The following TMEM163 variants were observed in gnomAD, a reference collection of about 807,000 sequenced individuals.
TMEM163 encodes the protein transmembrane protein 163.
A neutral mutation model predicts 29.3 loss-of-function variants in TMEM163; 17 were observed. The observed-to-expected ratio is 0.58, with a 90% CI of 0.40 to 0.87. TMEM163 has a LOEUF of 0.87. Ranked by LOEUF, TMEM163 falls within the 40% of genes least tolerant of loss-of-function variation. The probability of loss-of-function intolerance (pLI) is 0.00; values close to 1 mark genes in which losing one functional copy is unlikely to be tolerated. For missense variants in TMEM163, 303 were observed against 381.5 expected (o/e 0.79, Z 1.71); for synonymous variants, 157 against 160.6 (o/e 0.98, Z 0.17).
chr2:134,676,733 C>T (rs1684123709), intron 2 of TMEM163, among the ~76,000 whole-genome samples: 1 of 152,180 alleles, frequency 6.6e-6, no homozygotes, highest in Non-Finnish European at 1.5e-5. Context: ...ATACATTTAC[C>T]TATTCTGGAT....
chr2:134,576,815 GA>G (rs978677338), intron 2 of TMEM163, among the ~76,000 whole-genome samples: 25 of 152,308 alleles, frequency 1.6e-4, no homozygotes, highest in African/African-American at 5.8e-4. Context: ...TTCCCAGAAG[GA>G]AAACACTATC....
At chr2:134,497,471 G>A (rs1679596375) in intron 5 of TMEM163, among the ~76,000 whole-genome samples, 1 of 152,208 alleles carries the variant, frequency 6.6e-6, no homozygotes, top group Non-Finnish European at 1.5e-5. Flanking sequence ...AGCGCAAGGT[G>A]AAGAGGTCAT....
At chr2:134,508,911 C>G (rs535173482) in intron 4 of TMEM163, among the ~76,000 whole-genome samples, 14 of 152,196 alleles carry the variant, frequency 9.2e-5, no homozygotes, top group Non-Finnish European at 2.1e-4. Flanking sequence ...CCTACCCTCT[C>G]CATGGTAAGA....
intron 2 of TMEM163, among the ~76,000 whole-genome samples, chr2:134,668,686 C>T (rs890290288): frequency 6.6e-6 from 1 of 151,576 alleles, no homozygotes; most frequent in Non-Finnish European, 1.5e-5. Context: ...CTCCTCTCCA[C>T]CCCATAACAT....
chr2:134,562,791 A>T (rs1681210772), intron 2 of TMEM163, among the ~76,000 whole-genome samples: 1 of 152,218 alleles, frequency 6.6e-6, no homozygotes, highest in South Asian at 2.1e-4. Flanking sequence ...CCTGCTCCAT[A>T]AAACCCAAAG....
chr2:134,622,834 C>A (rs1682769839), intron 2 of TMEM163, among the ~76,000 whole-genome samples: 3 of 152,086 alleles, frequency 2.0e-5, no homozygotes, highest in Admixed American at 6.6e-5. Flanking sequence ...ACGATCTCGG[C>A]TCACTGCAAC....
chr2:134,561,557 G>C (rs1681184946), intron 2 of TMEM163, among the ~76,000 whole-genome samples: 1 of 152,150 alleles, frequency 6.6e-6, no homozygotes, highest in Admixed American at 6.5e-5. Flanking sequence ...CACCGTGTTA[G>C]CCAGGATGGT....
intron 2 of TMEM163, among the ~76,000 whole-genome samples, chr2:134,603,214 G>GAT (rs1682274443): frequency 6.6e-6 from 1 of 152,038 alleles, no homozygotes; most frequent in Non-Finnish European, 1.5e-5. Flanking sequence ...CAAGGACCTG[G>GAT]GCAGACTACA....
chr2:134,630,211 A>G (rs60148809), intron 2 of TMEM163, among the ~76,000 whole-genome samples: 6,517 of 152,176 alleles, frequency 0.043, 473 homozygotes, highest in African/African-American at 0.15. Context: ...AGGAATAATA[A>G]TTATACACAT....
At chr2:134,658,987 C>G (rs1032120090) in intron 2 of TMEM163, among the ~76,000 whole-genome samples, 2 of 152,146 alleles carry the variant, frequency 1.3e-5, no homozygotes, top group African/African-American at 4.8e-5. Context: ...TTCTGAGAAA[C>G]GCATCATGAG....
chr2:134,548,075 T>C (rs1054756025), intron 4 of TMEM163, among the ~76,000 whole-genome samples: 6 of 152,144 alleles, frequency 3.9e-5, no homozygotes, highest in African/African-American at 1.4e-4. Context: ...CTTCTGGAAC[T>C]GAAAATCAAA....
At chr2:134,525,860 C>G (rs1680283540) in intron 4 of TMEM163, among the ~76,000 whole-genome samples, 1 of 152,198 alleles carries the variant, frequency 6.6e-6, no homozygotes, top group African/African-American at 2.4e-5. Flanking sequence ...TCCAGAAAAG[C>G]TTTCTAGAAT....
chr2:134,588,726 A>G (rs948644646), intron 2 of TMEM163, among the ~76,000 whole-genome samples: 4 of 152,230 alleles, frequency 2.6e-5, no homozygotes, highest in African/African-American at 9.7e-5. Context: ...CAGTAAGGCA[A>G]TGTACACAAT....
chr2:134,684,475 T>C (rs911297766), intron 2 of TMEM163, among the ~76,000 whole-genome samples: 2 of 151,956 alleles, frequency 1.3e-5, no homozygotes, highest in African/African-American at 4.8e-5. Context: ...CCAAGGACAA[T>C]GGGAAGAGGT....
chr2:134,651,264 T>C (rs1683472940), intron 2 of TMEM163, among the ~76,000 whole-genome samples: 1 of 132,738 alleles, frequency 7.5e-6, no homozygotes, highest in Non-Finnish European at 1.6e-5. Context: ...TATCTCATTG[T>C]GGTTTTGATT....
intron 2 of TMEM163, among the ~76,000 whole-genome samples, chr2:134,686,589 A>T (rs1331431384): frequency 2.0e-5 from 3 of 152,186 alleles, no homozygotes; most frequent in African/African-American, 7.2e-5. Flanking sequence ...GCCAAAAAGG[A>T]GGTAGAATCA....
intron 2 of TMEM163, among the ~76,000 whole-genome samples, chr2:134,629,685 A>G (rs1222313460): frequency 6.6e-6 from 1 of 152,230 alleles, no homozygotes; most frequent in African/African-American, 2.4e-5. Flanking sequence ...ACTTTTCTAA[A>G]TAAACTTCAC....
At chr2:134,500,702 C>T (rs1332085743) in intron 5 of TMEM163, among the ~76,000 whole-genome samples, 1 of 151,818 alleles carries the variant, frequency 6.6e-6, no homozygotes, top group Non-Finnish European at 1.5e-5. Flanking sequence ...GAGGTCATTA[C>T]GTTAAGTGAG....
rs1681760185 is a variant in TMEM163, at chr2:134,584,242, A to T, written c.323-32151T>A. 2.0e-5 allele frequency among the ~76,000 whole-genome samples: 3 copies of T among 152,254 alleles called. No homozygotes were observed. The South Asian group carries it at 6.2e-4, about 31-fold the overall frequency. ...TCAACTGCTGCCAGCAGCAGAACTA[A>T]GGAACAATGAAAAACCTTGAAATGA... On this transcript the variant is annotated intron_variant, in intron 2 of 7. Coordinates refer to ENST00000281924, the MANE Select transcript of TMEM163 (RefSeq NM_030923.5).
Sources: gnomAD v4.1 joint callset for allele counts (sites outside exome capture counted in the v4.1 genomes callset) on GRCh38, gnomAD v4.1.1 for gene constraint, MANE v1.5 for transcripts, NCBI Gene and HGNC (gene_info 2026-07-23, HGNC 2026-07-21) for gene names.